The following PCBP2 variants were observed in gnomAD, a reference collection of about 807,000 sequenced individuals.
The protein encoded by PCBP2 is poly(rC) binding protein 2.
In PCBP2, 4 loss-of-function variants were observed where a neutral mutation model predicts 50.1. That is an observed-to-expected ratio of 0.08 (90% CI 0.04 to 0.18). PCBP2 has a LOEUF of 0.18. PCBP2 is among the 10% of genes least tolerant of loss of function. The pLI is 1.00. For missense variants in PCBP2, 161 were observed against 474.3 expected, an observed-to-expected ratio of 0.34 and a Z score of 6.14; for synonymous variants, 179 against 168.0, an observed-to-expected ratio of 1.07 and a Z score of -0.51.
intron 13 of PCBP2, among the ~76,000 whole-genome samples, chr12:53,469,382 T>C (rs1942045369): frequency 1.3e-5 from 2 of 152,112 alleles, no homozygotes; most frequent in East Asian, 1.9e-4. Context: ...AAATAGACTA[T>C]TATTGTGTGA....
rs531266845 is a variant in PCBP2 at position 53,465,780 on chromosome 12, A to G, written c.673-152A>G. ...AGAAGGCCAATTTGGGTCTGACCAT[A>G]TTTGTGAGATTCCATCTACTGCCTC... On this transcript the variant is annotated intron_variant, in intron 9 of 14. Transcript: ENST00000546463. 82 of 650,850 alleles carry G rather than the reference A, an allele frequency of 1.3e-4. No homozygotes were observed. The African/African-American group carries it at 1.4e-3, about 11-fold the overall frequency. The allele number at this position is 650,850 out of a possible 1,614,324, so 40.3% of individuals were successfully genotyped here.
chr12:53,468,932 T>TC (rs1942003745), intron 13 of PCBP2, 100 bp downstream of exon 13: 2 of 961,348 alleles, frequency 2.1e-6, no homozygotes, highest in African/African-American at 3.3e-5. Context: ...TTTTTTTTTT[T>TC]TTTTAAACAG....
intron 14 of PCBP2, among the ~76,000 whole-genome samples, chr12:53,477,348 A>G (rs1421818721): frequency 6.6e-6 from 1 of 152,034 alleles, no homozygotes; most frequent in East Asian, 1.9e-4. Flanking sequence ...TGAAATTGGC[A>G]CGAATCTACC....
chr12:53,474,614 G>C (rs17695879), intron 14 of PCBP2, among the ~76,000 whole-genome samples: 2,990 of 152,206 alleles, frequency 0.02, 49 homozygotes, highest in South Asian at 0.069. Flanking sequence ...TGTGCCCTAT[G>C]ATTTCTTTTC....
chr12:53,466,312 T>A (rs377243309), intron 10 of PCBP2, among the ~76,000 whole-genome samples: 1 of 152,204 alleles, frequency 6.6e-6, no homozygotes, highest in Non-Finnish European at 1.5e-5. Context: ...CTGTGCTTCC[T>A]TGCATGCAGT....
intron 5 of PCBP2, among the ~76,000 whole-genome samples, chr12:53,458,608 G>C (rs946291768): frequency 6.7e-6 from 1 of 150,156 alleles, no homozygotes. Flanking sequence ...TGCCCGGTCT[G>C]TTTTATATTT....
intron 14 of PCBP2, 43 bp downstream of exon 14, chr12:53,471,850 AATGT>A: frequency 1.3e-6 from 2 of 1,548,020 alleles, no homozygotes; most frequent in Non-Finnish European, 1.8e-6. Flanking sequence ...CCAACACAGT[AATGT>A]GTGTGTTGGG....
At chr12:53,473,109 G>A (rs1430648892) in intron 14 of PCBP2, among the ~76,000 whole-genome samples, 2 of 150,524 alleles carry the variant, frequency 1.3e-5, no homozygotes, top group African/African-American at 2.4e-5. Context: ...TTTTGAGACG[G>A]AGTCTTGCTC....
intron 14 of PCBP2, among the ~76,000 whole-genome samples, chr12:53,473,352 G>A (rs1942363635): frequency 1.3e-5 from 2 of 152,194 alleles, no homozygotes; most frequent in African/African-American, 4.8e-5. Context: ...CAAAGTGCTG[G>A]GATTACAGGC....
intron 14 of PCBP2, 106 bp from the exon 15 acceptor site, chr12:53,479,300 G>A: frequency 1.1e-6 from 1 of 942,322 alleles, no homozygotes; most frequent in Non-Finnish European, 1.7e-6. Context: ...GTCTCCCTTG[G>A]TACTCCAGCA....
intron 5 of PCBP2, among the ~76,000 whole-genome samples, chr12:53,456,521 A>C (rs892363239): frequency 6.6e-6 from 1 of 152,042 alleles, no homozygotes; most frequent in Non-Finnish European, 1.5e-5. Context: ...ACTTAATATA[A>C]ATAATTTGCG....
chr12:53,475,600 T>G (rs1261606744), intron 14 of PCBP2: 1 of 172,530 alleles, frequency 5.8e-6, no homozygotes, highest in African/African-American at 2.4e-5. Flanking sequence ...TCAGCAGGCC[T>G]TCTTGGCCAT....
intron 14 of PCBP2, chr12:53,475,558 T>C (rs1421116402): frequency 1.1e-5 from 2 of 174,516 alleles, no homozygotes; most frequent in Non-Finnish European, 2.4e-5. Context: ...ACTTTTTTTT[T>C]TTTTTTTAAG....
chr12:53,476,746 T>TA (rs1178893195), intron 14 of PCBP2, among the ~76,000 whole-genome samples: 1 of 152,334 alleles, frequency 6.6e-6, no homozygotes, highest in African/African-American at 2.4e-5. Context: ...GAAGAAGTGT[T>TA]ACACGTCTCA....
intron 11 of PCBP2, 107 bp downstream of exon 11, chr12:53,467,400 C>G (rs1941897263): frequency 6.3e-6 from 6 of 947,820 alleles, no homozygotes; most frequent in Non-Finnish European, 1.0e-5. Flanking sequence ...TATCCAGCAT[C>G]CTGCTGGTTT....
intron 5 of PCBP2, among the ~76,000 whole-genome samples, chr12:53,457,916 A>ATCTCAGTCAAAT (rs1941153312): frequency 6.6e-6 from 1 of 152,042 alleles, no homozygotes; most frequent in African/African-American, 2.4e-5. Flanking sequence ...ATACAGTCAA[A>ATCTCAGTCAAAT]TCTATAGGTT....
intron 3 of PCBP2, 29 bp from the exon 4 acceptor site, chr12:53,455,432 G>A: frequency 1.9e-6 from 3 of 1,613,982 alleles, no homozygotes; most frequent in Non-Finnish European, 1.7e-6. Flanking sequence ...AGTAGCAGTT[G>A]GAGCTCATGC....
intron 14 of PCBP2, chr12:53,475,268 C>T: frequency 4.8e-6 from 2 of 415,030 alleles, no homozygotes; most frequent in East Asian, 1.4e-4. Flanking sequence ...ATTTTGTTTT[C>T]CTTTGTTAAC....
At chr12:53,459,767 T>C (rs1485581207) in intron 6 of PCBP2, 3 of 336,388 alleles carry the variant, frequency 8.9e-6, no homozygotes, top group Non-Finnish European at 1.8e-5. Context: ...CTTTTTTTCT[T>C]TTTTTTGACA....
Sources: gnomAD v4.1 joint callset for allele counts (sites outside exome capture counted in the v4.1 genomes callset) on GRCh38, gnomAD v4.1.1 for gene constraint, MANE v1.5 for transcripts, NCBI Gene and HGNC (gene_info 2026-07-23, HGNC 2026-07-21) for gene names.